CDADC1: variants seen among roughly 807,000 people sequenced by gnomAD.
CDADC1 encodes dCTP deaminase.
In CDADC1, 39 loss-of-function variants were observed where a neutral mutation model predicts 54.9. The observed-to-expected ratio is 0.71, with a 90% CI of 0.55 to 0.93. The LOEUF is 0.93. CDADC1 is among the 40% of genes least tolerant of loss of function. The probability of loss-of-function intolerance (pLI) is 0.00; values close to 1 mark genes in which losing one functional copy is unlikely to be tolerated. For missense variants in CDADC1, 518 were observed against 618.8 expected, an observed-to-expected ratio of 0.84 and a Z score of 1.73; for synonymous variants, 186 against 204.0, an observed-to-expected ratio of 0.91 and a Z score of 0.75.
At chr13:49,266,796 G>A (rs1269533545) in intron 4 of CDADC1, among the ~76,000 whole-genome samples, 1 of 152,144 alleles carries the variant, frequency 6.6e-6, no homozygotes, top group Non-Finnish European at 1.5e-5. Context: ...TATTTTCCTA[G>A]AATGGATTCT....
intron 3 of CDADC1, among the ~76,000 whole-genome samples, chr13:49,257,383 C>G (rs1474995745): frequency 6.6e-6 from 1 of 152,082 alleles, no homozygotes; most frequent in Non-Finnish European, 1.5e-5. Context: ...GAAATCATTC[C>G]CTTGCAGCCA....
At chr13:49,281,691 T>C (rs1378008492) in intron 8 of CDADC1, among the ~76,000 whole-genome samples, 2 of 152,114 alleles carry the variant, frequency 1.3e-5, no homozygotes, top group African/African-American at 2.4e-5. Flanking sequence ...TCCCCTGCAA[T>C]AGTTTAAAGG....
intron 8 of CDADC1, among the ~76,000 whole-genome samples, chr13:49,282,146 G>A (rs1312097423): frequency 6.6e-6 from 1 of 150,434 alleles, no homozygotes; most frequent in Non-Finnish European, 1.5e-5. Context: ...TTATTTGATA[G>A]TTCCAAAAAT....
intron 2 of CDADC1, among the ~76,000 whole-genome samples, chr13:49,253,132 A>G (rs916869948): frequency 1.3e-5 from 2 of 152,174 alleles, no homozygotes; most frequent in East Asian, 3.8e-4. Context: ...AAATACCAAG[A>G]TGCAATTAGA....
At chr13:49,255,713 T>C (rs1952527357) in intron 2 of CDADC1, 126 bp from the exon 3 acceptor site, 4 of 1,119,362 alleles carry the variant, frequency 3.6e-6, no homozygotes, top group Non-Finnish European at 5.1e-6. Flanking sequence ...GAAGTCAATG[T>C]AGAGTTTCAT....
At chr13:49,285,182 CTT>C (rs57516377) in intron 8 of CDADC1, among the ~76,000 whole-genome samples, 20 of 131,832 alleles carry the variant, frequency 1.5e-4, no homozygotes, top group Admixed American at 2.3e-4. Context: ...TTTCTTTTTT[CTT>C]TTTTTTTTTT....
At chr13:49,274,421 C>T (rs2138237308) in intron 6 of CDADC1, 81 bp downstream of exon 6, 3 of 1,097,884 alleles carry the variant, frequency 2.7e-6, no homozygotes, top group South Asian at 1.4e-5. Flanking sequence ...TTACAGGTTA[C>T]TGACTGCCAA....
intron 8 of CDADC1, among the ~76,000 whole-genome samples, chr13:49,281,725 G>A (rs1339717291): frequency 6.6e-6 from 1 of 152,104 alleles, no homozygotes; most frequent in African/African-American, 2.4e-5. Context: ...CAAACAAAGG[G>A]AGGTGCACAC....
chr13:49,284,343 A>G (rs988341273), intron 8 of CDADC1, among the ~76,000 whole-genome samples: 1 of 152,208 alleles, frequency 6.6e-6, no homozygotes, highest in Non-Finnish European at 1.5e-5. Flanking sequence ...ATGTTGCTGT[A>G]TTTTCTGCCA....
Position 49,267,745 on chromosome 13 carries a change from A to T in CDADC1, c.686A>T (p.Tyr229Phe). The T allele has an allele frequency of 6.2e-7, 1 of 1,610,626 alleles. No homozygotes were observed. Residue 229 changes from tyrosine to phenylalanine, a missense_variant, in exon 5 of 10, where the codon TAT (tyrosine) becomes TTT (phenylalanine). Coordinates refer to ENST00000251108, the MANE Select transcript of CDADC1 (RefSeq NM_030911.4). Reference protein sequence around the residue: ...TLPDANTDFYYECKQERIKEY... With the variant: ...TLPDANTDFYFECKQERIKEY... ...CCGGATGCTAACACTGACTTTTATT[A>T]TGAATGTAAACAAGAAAGAATAAAA...
intron 8 of CDADC1, among the ~76,000 whole-genome samples, chr13:49,282,554 C>T (rs1470707572): frequency 6.6e-6 from 1 of 152,214 alleles, no homozygotes; most frequent in African/African-American, 2.4e-5. Context: ...GAAATAACCA[C>T]ATAATTACAA....
intron 8 of CDADC1, among the ~76,000 whole-genome samples, chr13:49,282,135 C>G (rs1953361925): frequency 6.6e-6 from 1 of 150,526 alleles, no homozygotes; most frequent in Non-Finnish European, 1.5e-5. Context: ...AAAAGAATTT[C>G]TTATTTGATA....
intron 4 of CDADC1, chr13:49,265,911 A>G: frequency 7.7e-7 from 1 of 1,303,336 alleles, no homozygotes; most frequent in African/African-American, 1.5e-5. Flanking sequence ...GCCTAGATGA[A>G]AGGTTTACCA....
chr13:49,248,807 T>G, intron 1 of CDADC1, 64 bp from the exon 2 acceptor site: 1 of 1,043,446 alleles, frequency 9.6e-7, no homozygotes. Flanking sequence ...TAAGTGGCAT[T>G]GAGATTGGCT....
intron 1 of CDADC1, among the ~76,000 whole-genome samples, chr13:49,248,660 G>A (rs1344194961): frequency 2.0e-5 from 3 of 152,216 alleles, no homozygotes; most frequent in African/African-American, 4.8e-5. Flanking sequence ...GGAGAAAGAA[G>A]GCTCAACTTT....
chr13:49,269,836 G>A (rs1952918167), intron 5 of CDADC1, among the ~76,000 whole-genome samples: 1 of 152,184 alleles, frequency 6.6e-6, no homozygotes, highest in South Asian at 2.1e-4. Context: ...GACGCAGTAT[G>A]TATACATTTG....
At chr13:49,264,012 A>C (rs1476654851) in intron 4 of CDADC1, among the ~76,000 whole-genome samples, 1 of 152,240 alleles carries the variant, frequency 6.6e-6, no homozygotes, top group Non-Finnish European at 1.5e-5. Flanking sequence ...TTTTCTTATA[A>C]GGTCAACCAC....
At chr13:49,279,117 A>G (rs1446875450) in intron 7 of CDADC1, among the ~76,000 whole-genome samples, 4 of 152,194 alleles carry the variant, frequency 2.6e-5, no homozygotes, top group African/African-American at 4.8e-5. Context: ...TATACCTGTT[A>G]ATTTACATCA....
intron 4 of CDADC1, among the ~76,000 whole-genome samples, chr13:49,264,023 C>T (rs896448877): frequency 1.3e-5 from 2 of 152,202 alleles, no homozygotes; most frequent in Admixed American, 6.5e-5. Context: ...GGTCAACCAC[C>T]TGGGAACTAA....
Sources: allele counts gnomAD v4.1 joint callset (sites outside exome capture counted in the v4.1 genomes callset), GRCh38; gene constraint gnomAD v4.1.1; transcripts MANE v1.5; gene names NCBI Gene and HGNC (gene_info 2026-07-23, HGNC 2026-07-21).